The following DLG2 variants were observed in gnomAD, a reference collection of about 807,000 sequenced individuals.
DLG2 encodes discs large MAGUK scaffold protein 2, also known as disks large homolog 2.
In DLG2, 45 loss-of-function variants were observed where a neutral mutation model predicts 132.5. That is an observed-to-expected ratio of 0.34 (90% CI 0.27 to 0.44). The LOEUF is 0.44. Among genes scored for constraint, DLG2 ranks in the 20% least tolerant of loss-of-function variants. The pLI, the probability that DLG2 is intolerant of heterozygous loss-of-function variation, is 1.00. For missense variants in DLG2, 1,045 were observed against 1,196.9 expected, an observed-to-expected ratio of 0.87 and a Z score of 1.87; for synonymous variants, 424 against 419.6, an observed-to-expected ratio of 1.01 and a Z score of -0.13.
intron 17 of DLG2, among the ~76,000 whole-genome samples, chr11:83,795,214 G>A (rs1442819215): frequency 2.0e-5 from 3 of 152,026 alleles, no homozygotes; most frequent in African/African-American, 7.2e-5. Context: ...GACCATCCTG[G>A]CTAACATGGC....
At chr11:85,532,128 G>T (rs1424957799) in intron 3 of DLG2, among the ~76,000 whole-genome samples, 1 of 152,026 alleles carries the variant, frequency 6.6e-6, no homozygotes. Context: ...CGCTTTTCTA[G>T]GTTCTCACTT....
At chr11:84,502,684 T>C (rs1271468698) in intron 7 of DLG2, among the ~76,000 whole-genome samples, 1 of 151,792 alleles carries the variant, frequency 6.6e-6, no homozygotes, top group African/African-American at 2.4e-5. Context: ...AGGAGAACCA[T>C]TTCACGACAG....
At chr11:83,704,140 A>C (rs1024042988) in intron 18 of DLG2, among the ~76,000 whole-genome samples, 10 of 152,178 alleles carry the variant, frequency 6.6e-5, no homozygotes, top group African/African-American at 2.2e-4. Context: ...TCCTTTTAAG[A>C]TATTTAACTT....
intron 15 of DLG2, among the ~76,000 whole-genome samples, chr11:83,895,799 T>C (rs1476583487): frequency 1.3e-5 from 2 of 152,214 alleles, no homozygotes; most frequent in African/African-American, 4.8e-5. Context: ...ATTTCCCACA[T>C]AGCAGTAAAG....
At chr11:84,441,593 T>C (rs575950864) in intron 7 of DLG2, among the ~76,000 whole-genome samples, 74 of 152,296 alleles carry the variant, frequency 4.9e-4, no homozygotes, top group South Asian at 2.5e-3. Context: ...TTGCTCTAAG[T>C]ATATATGTAT....
Position 84,861,246 on chromosome 11 carries a change from G to A in DLG2, c.357+250415C>T, listed in dbSNP as rs532134557. Reference sequence around the variant, plus strand: ...GGAGATCATATGAGGAAAAAGAAAGGGGGATAAGCATGTGAAGAAAAATCT... The same window carrying A: ...GGAGATCATATGAGGAAAAAGAAAGAGGGATAAGCATGTGAAGAAAAATCT... On this transcript the variant is annotated intron_variant, in intron 6 of 27. Transcript: ENST00000376104. Among the ~76,000 whole-genome samples the A allele has an allele frequency of 2.0e-5, 3 of 152,122 alleles. No homozygotes were observed. The South Asian group carries it at 6.2e-4, about 32-fold the overall frequency.
chr11:85,427,294 C>A (rs371279753), intron 3 of DLG2, among the ~76,000 whole-genome samples: 1 of 152,006 alleles, frequency 6.6e-6, no homozygotes, highest in African/African-American at 2.4e-5. Context: ...AGATACTCCT[C>A]GAGAAGAGCA....
Position 85,409,277 on chromosome 11 carries a change from T to C in DLG2, c.41-123912A>G, listed in dbSNP as rs77131581. The stretch of plus-strand genomic sequence containing the variant: ...TGAAAGCTTCAGGCCTTCTGAGTCC[T>C]GGTTTACATGTAATCTGGTTCACAC... On this transcript the variant is annotated intron_variant, in intron 3 of 27. Transcript: ENST00000376104. Among the ~76,000 whole-genome samples, 1,397 of 152,002 alleles carry C rather than the reference T, an allele frequency of 9.2e-3. 16 individuals carry two copies. Among genetic ancestry groups the C allele is most frequent in the African/African-American group, 0.032 (1,309 of 41,522 alleles).
intron 21 of DLG2, among the ~76,000 whole-genome samples, chr11:83,498,314 T>C (rs2094260133): frequency 6.6e-6 from 1 of 152,104 alleles, no homozygotes; most frequent in East Asian, 1.9e-4. Flanking sequence ...ATAGACACAC[T>C]TTCCCAATTA....
At chr11:83,494,865 C>A (rs192771095) in intron 21 of DLG2, among the ~76,000 whole-genome samples, 6 of 152,182 alleles carry the variant, frequency 3.9e-5, no homozygotes, top group South Asian at 4.2e-4. Flanking sequence ...GTAGAACAAC[C>A]AAATGAGATA....
At chr11:84,212,870 G>T (rs890130916) in intron 8 of DLG2, among the ~76,000 whole-genome samples, 2 of 152,158 alleles carry the variant, frequency 1.3e-5, no homozygotes, top group Non-Finnish European at 2.9e-5. Context: ...TTGTTAGCCA[G>T]GATGGTCTTG....
chr11:84,489,004 G>T (rs906129640), intron 7 of DLG2, among the ~76,000 whole-genome samples: 7 of 152,124 alleles, frequency 4.6e-5, no homozygotes, highest in Non-Finnish European at 7.4e-5. Context: ...GTTCATAATA[G>T]TATCAGTGCT....
At chr11:84,848,029 T>C (rs140427860) in intron 6 of DLG2, among the ~76,000 whole-genome samples, 117 of 152,238 alleles carry the variant, frequency 7.7e-4, no homozygotes, top group African/African-American at 2.7e-3. Context: ...GGTCATTTTT[T>C]ATGGAAAAGT....
At chr11:83,788,518 A>G (rs574654069) in intron 17 of DLG2, among the ~76,000 whole-genome samples, 6 of 152,340 alleles carry the variant, frequency 3.9e-5, no homozygotes, top group African/African-American at 1.4e-4. Flanking sequence ...CTTAAAGTAT[A>G]AAATTCCAGA....
intron 19 of DLG2, among the ~76,000 whole-genome samples, chr11:83,599,651 A>G (rs2058199550): frequency 6.6e-6 from 1 of 151,922 alleles, no homozygotes; most frequent in Non-Finnish European, 1.5e-5. Flanking sequence ...TGTAACTCCC[A>G]CCGCCACTAG....
At chr11:83,867,819 G>T (rs1336844791) in intron 16 of DLG2, among the ~76,000 whole-genome samples, 1 of 152,162 alleles carries the variant, frequency 6.6e-6, no homozygotes, top group Non-Finnish European at 1.5e-5. Flanking sequence ...GCTCTCCATA[G>T]TCTCAGCATT....
intron 6 of DLG2, among the ~76,000 whole-genome samples, chr11:84,560,104 C>A (rs1203970034): frequency 6.6e-6 from 1 of 152,018 alleles, no homozygotes; most frequent in Non-Finnish European, 1.5e-5. Context: ...TTTTTAGATT[C>A]TTTTATATAA....
chr11:84,768,306 G>T (rs775609698), intron 6 of DLG2, among the ~76,000 whole-genome samples: 19 of 152,008 alleles, frequency 1.2e-4, no homozygotes, highest in Non-Finnish European at 2.8e-4. Context: ...TGCTTATTTT[G>T]AGTCATTTTT....
intron 9 of DLG2, among the ~76,000 whole-genome samples, chr11:84,133,930 C>G (rs1461303846): frequency 6.6e-6 from 1 of 151,996 alleles, no homozygotes; most frequent in African/African-American, 2.4e-5. Flanking sequence ...CTTCATTTGC[C>G]AAAATCCGTA....
Sources: gnomAD v4.1 joint callset for allele counts (sites outside exome capture counted in the v4.1 genomes callset) on GRCh38, gnomAD v4.1.1 for gene constraint, MANE v1.5 for transcripts, NCBI Gene and HGNC (gene_info 2026-07-23, HGNC 2026-07-21) for gene names.